Variants in MICAL3 observed in about 807,000 individuals in gnomAD.
MICAL3 encodes microtubule associated monooxygenase, calponin and LIM domain containing 3.
A neutral mutation model predicts 207.4 loss-of-function variants in MICAL3; 62 were observed. The ratio of observed to expected loss-of-function variants is 0.30; its 90% CI spans 0.24 to 0.37. The LOEUF (loss-of-function observed/expected upper bound fraction) is 0.37. Ranked by LOEUF, MICAL3 falls within the 10% of genes least tolerant of loss-of-function variation. MICAL3 has a pLI of 1.00. For synonymous variants in MICAL3, 1,077 were observed against 1,069.3 expected, an observed-to-expected ratio of 1.01 and a Z score of -0.14; for missense variants, 2,368 against 2,635.6, an observed-to-expected ratio of 0.90 and a Z score of 2.22.
At chr22:17,839,967 A>G (rs1357690398) in intron 20 of MICAL3, 2 of 123,260 alleles carry the variant, frequency 1.6e-5, no homozygotes, top group Non-Finnish European at 3.2e-5. Context: ...GAGTCTCACC[A>G]TCTCCCAGGC....
rs1210298750 is a variant in MICAL3 at position 17,790,197 on chromosome 22, C to G, written c.*535G>C. ...TTGCATAATAATTCAGGAGCCTGCC[C>G]GCACCTCCATGTCTCCTGTGATGCT... On this transcript the variant is annotated 3_prime_UTR_variant, in exon 32 of 32. Coordinates refer to ENST00000441493, the MANE Select transcript of MICAL3 (RefSeq NM_015241.3). The G allele has an allele frequency of 6.5e-6, 1 of 153,322 alleles. No individual in the cohort carries two copies. The highest frequency in any genetic ancestry group is 2.1e-4 in the South Asian group (1 of 4,870). The allele number at this position is 153,322 out of a possible 1,614,324, so 9.5% of individuals were successfully genotyped here.
chr22:17,976,584 TA>T (rs1356597306), intron 1 of MICAL3, among the ~76,000 whole-genome samples: 2,385 of 87,128 alleles, frequency 0.027, 43 homozygotes, highest in Middle Eastern at 0.053. Flanking sequence ...TATATATATA[TA>T]TATATTTTTT....
At position 17,996,182 on chromosome 22, in the gene MICAL3, G is replaced by A. The variant is rs138222930; in HGVS notation, c.-75+28099C>T. 2.5e-3 allele frequency among the ~76,000 whole-genome samples: 371 copies of A among 147,658 alleles called. 6 individuals carry two copies. Among genetic ancestry groups the A allele is most frequent in the East Asian group, 0.013 (63 of 4,906 alleles). Reference sequence around the variant, plus strand: ...AGGCTGGGCACAGTGGCTCACACCTGTAATCCCAACACTTTGGGAGGCCGA... The same window carrying A: ...AGGCTGGGCACAGTGGCTCACACCTATAATCCCAACACTTTGGGAGGCCGA... On this transcript the variant is annotated intron_variant, in intron 1 of 31. Coordinates refer to ENST00000441493, the MANE Select transcript of MICAL3 (RefSeq NM_015241.3).
intron 1 of MICAL3, among the ~76,000 whole-genome samples, chr22:17,976,010 T>C (rs1055615413): frequency 3.3e-5 from 5 of 151,666 alleles, no homozygotes; most frequent in East Asian, 1.9e-4. Flanking sequence ...GATAACACCA[T>C]TGCACTCCAG....
chr22:17,912,862 T>A (rs756308677), intron 1 of MICAL3, among the ~76,000 whole-genome samples: 2 of 152,220 alleles, frequency 1.3e-5, no homozygotes, highest in African/African-American at 4.8e-5. Context: ...CAGGATTATG[T>A]TGGATAGAAG....
chr22:17,854,259 A>G (rs2146108878), intron 19 of MICAL3, among the ~76,000 whole-genome samples: 1 of 152,278 alleles, frequency 6.6e-6, no homozygotes, highest in African/African-American at 2.4e-5. Context: ...GGGAGAGGCC[A>G]GGGACACACC....
At chr22:17,887,056 C>A (rs185140834) in intron 15 of MICAL3, 114 bp downstream of exon 15, 47 of 331,098 alleles carry the variant, frequency 1.4e-4, no homozygotes, top group East Asian at 5.8e-4. Flanking sequence ...AACAGAAATT[C>A]TCATAAAGGA....
rs1256233502 is a variant in MICAL3, at chr22:17,793,242, T to A, written c.5651-1941A>T. ...TCTTATCACCACAACAGACTTCAAA[T>A]CAGACAAACTTAAAACACGCACACT... On this transcript the variant is annotated intron_variant, in intron 29 of 31. Coordinates refer to ENST00000441493, the MANE Select transcript of MICAL3 (RefSeq NM_015241.3). This position sits in a 1 kb window ranked among gnomAD's most constrained non-coding sequence, Gnocchi z 4.1. 2.6e-5 allele frequency among the ~76,000 whole-genome samples: 4 copies of A among 151,960 alleles called. No individual in the cohort carries two copies. In the South Asian group the frequency reaches 8.3e-4, roughly 32 times the overall value.
At chr22:17,952,980 C>T (rs992011302) in intron 1 of MICAL3, among the ~76,000 whole-genome samples, 1 of 152,174 alleles carries the variant, frequency 6.6e-6, no homozygotes, top group Non-Finnish European at 1.5e-5. Context: ...AGGCTGGAGA[C>T]GACCACAACA....
At chr22:18,010,780 C>A (rs926101785) in intron 1 of MICAL3, among the ~76,000 whole-genome samples, 2 of 152,054 alleles carry the variant, frequency 1.3e-5, no homozygotes, top group African/African-American at 4.8e-5. Context: ...CTAACATGTT[C>A]ATAGCCAGGT....
In MICAL3 at chr22:17,891,629, G is replaced by T. The variant is rs916338668; in HGVS notation, c.1550C>A (p.Ser517Tyr). The T allele has an allele frequency of 1.9e-6, 3 of 1,613,844 alleles. No homozygotes were observed. The highest frequency in any genetic ancestry group is 2.5e-6 in the Non-Finnish European group (3 of 1,179,838). The change falls in exon 12 of 32, where the codon TCT (serine) becomes TAT (tyrosine). Residue 517 changes from serine (S) to tyrosine (Y), a missense_variant. Ser to Tyr is a moderately radical substitution (Grantham distance 144). Transcript: ENST00000441493. Reference protein sequence around the residue: ...RTTPKLTRNESVARSSKLLGW... With the variant: ...RTTPKLTRNEYVARSSKLLGW... ...CAGCAGTTTGCTTGAACGAGCTACA[G>T]ACTCTAAAACAACAAAACACAGTAT...
At chr22:17,967,367 T>C (rs531995409) in intron 1 of MICAL3, among the ~76,000 whole-genome samples, 2 of 151,812 alleles carry the variant, frequency 1.3e-5, no homozygotes, top group Non-Finnish European at 2.9e-5. Flanking sequence ...CAAAAAAAAG[T>C]AGAACACATA....
intron 1 of MICAL3, among the ~76,000 whole-genome samples, chr22:17,994,601 T>A: frequency 6.6e-6 from 1 of 152,014 alleles, no homozygotes; most frequent in East Asian, 1.9e-4. Context: ...TAGTCCCAGC[T>A]ACTCAGGAGG....
chr22:17,871,643 C>T (rs539203453), intron 17 of MICAL3, among the ~76,000 whole-genome samples, 194 bp downstream of exon 17: 3 of 152,184 alleles, frequency 2.0e-5, no homozygotes, highest in East Asian at 3.9e-4. Flanking sequence ...AGCCTGGTGA[C>T]GCTGGGAAAT....
In MICAL3 at chr22:17,877,580, A is replaced by AGGGAG. The variant is rs1928971307; in HGVS notation, c.2242-5558_2242-5557insCTCCC. On this transcript the variant is annotated intron_variant, in intron 16 of 31. Coordinates refer to ENST00000441493, the MANE Select transcript of MICAL3 (RefSeq NM_015241.3). Reference sequence around the variant, plus strand: ...TTATGGAGGTTAGGGAGGTTAGGGAAGTTATGGAGGTTAGGGAGGTTATGG... The same window carrying AGGGAG: ...TTATGGAGGTTAGGGAGGTTAGGGAAGGGAGGTTATGGAGGTTAGGGAGGTTATGG... Among the ~76,000 whole-genome samples, 39 of 76,058 alleles carry AGGGAG rather than the reference A, an allele frequency of 5.1e-4. 2 individuals carry two copies. The highest frequency in any genetic ancestry group is 3.5e-3 in the East Asian group (8 of 2,254). 49.9% of individuals were successfully genotyped at this position (76,058 alleles called of 152,430 possible). A position where few individuals can be genotyped will look rare whatever the true frequency, so the allele number is the denominator to read the frequency against.
At chr22:17,978,057 T>A (rs1020375879) in intron 1 of MICAL3, among the ~76,000 whole-genome samples, 5 of 137,632 alleles carry the variant, frequency 3.6e-5, no homozygotes, top group African/African-American at 1.4e-4. Context: ...TAAAATAAAA[T>A]AAAAAAATAT....
intron 1 of MICAL3, among the ~76,000 whole-genome samples, chr22:17,991,166 T>C (rs776755207): frequency 3.3e-5 from 5 of 152,058 alleles, no homozygotes; most frequent in Admixed American, 6.6e-5. Flanking sequence ...CCTAGATCCA[T>C]GTGCCGCACC....
chr22:17,889,311 C>G (rs959442781), intron 12 of MICAL3, 81 bp from the exon 13 acceptor site: 1 of 1,059,680 alleles, frequency 9.4e-7, no homozygotes, highest in Non-Finnish European at 1.4e-6. Flanking sequence ...AGTCATCGTC[C>G]TTTCTCTGTT....
intron 16 of MICAL3, 143 bp downstream of exon 16, chr22:17,885,735 G>A: frequency 1.2e-6 from 1 of 817,706 alleles, no homozygotes; most frequent in Non-Finnish European, 2.0e-6. Context: ...GCTCTTCTTT[G>A]CTGCAGTCAG....
Sources: allele counts gnomAD v4.1 joint callset (sites outside exome capture counted in the v4.1 genomes callset), GRCh38; gene constraint gnomAD v4.1.1; non-coding constraint Gnocchi (gnomAD v3.1); transcripts MANE v1.5; gene names NCBI Gene and HGNC (gene_info 2026-07-23, HGNC 2026-07-21).